Variants in CERS4 observed in about 807,000 individuals in gnomAD.
CERS4 encodes the protein LAG1 homolog, ceramide synthase 4.
In CERS4, 65 loss-of-function variants were observed where a neutral mutation model predicts 51.8. That is an observed-to-expected ratio of 1.26 (90% CI 1.03 to 1.54). The LOEUF (loss-of-function observed/expected upper bound fraction) is 1.54, where lower values mean the gene tolerates loss of function less well. Among genes scored for constraint, CERS4 ranks in the 40% most tolerant of loss-of-function variants. The pLI is 0.00. For synonymous variants in CERS4, 228 were observed against 208.4 expected (o/e 1.09, Z -0.81); for missense variants, 563 against 500.4 (o/e 1.13, Z -1.19).
chr19:8,226,413 C>T (rs963915398), intron 2 of CERS4, among the ~76,000 whole-genome samples: 1 of 152,066 alleles, frequency 6.6e-6, no homozygotes, highest in Non-Finnish European at 1.5e-5. Context: ...ACCTGCTTGG[C>T]CCTATATGAA....
intron 2 of CERS4, among the ~76,000 whole-genome samples, chr19:8,214,950 G>A (rs1249281673): frequency 1.4e-5 from 2 of 146,062 alleles, no homozygotes; most frequent in Admixed American, 6.9e-5. Flanking sequence ...AGGGGGAGGA[G>A]AGGGAGGAGG....
chr19:8,260,829 T>C (rs1299065857), intron 10 of CERS4, among the ~76,000 whole-genome samples: 1 of 151,520 alleles, frequency 6.6e-6, no homozygotes, highest in Non-Finnish European at 1.5e-5. Flanking sequence ...CAGGGGCCTA[T>C]AATCCCAGCT....
chr19:8,244,177 G>A (rs904897204), intron 2 of CERS4, among the ~76,000 whole-genome samples: 31 of 152,336 alleles, frequency 2.0e-4, no homozygotes, highest in African/African-American at 7.2e-4. Context: ...GGAGGGTGCA[G>A]GCAGCCTCTA....
chr19:8,221,299 AG>A (rs1967530222), intron 2 of CERS4, among the ~76,000 whole-genome samples: 1 of 152,084 alleles, frequency 6.6e-6, no homozygotes, highest in Non-Finnish European at 1.5e-5. Context: ...GCATGGTAAC[AG>A]ACACTTGGTA....
At chr19:8,244,693 A>C (rs1968679969) in intron 2 of CERS4, among the ~76,000 whole-genome samples, 1 of 152,082 alleles carries the variant, frequency 6.6e-6, no homozygotes, top group Admixed American at 6.5e-5. Flanking sequence ...CATTATTCAA[A>C]ATAGAACCAA....
chr19:8,255,679 C>T lies in CERS4; in HGVS notation c.364C>T (p.Arg122Trp), dbSNP rs201343534. The T allele has an allele frequency of 7.6e-5, 122 of 1,612,104 alleles. No homozygotes were observed. In the East Asian group the frequency reaches 1.5e-3, roughly 19 times the overall value. ...GACCCAGCGATGGTTCCGGAGACGC[C>T]GGAACCAGGATCGACCCCAGCTGAC... ...QQTQRWFRRR[R>W]NQDRPQLTKK... is the part of the protein sequence containing the mutation. Residue 122 changes from arginine to tryptophan, a missense_variant, in exon 5 of 12, where the codon CGG becomes TGG. Coordinates refer to ENST00000251363, the MANE Select transcript of CERS4 (RefSeq NM_024552.3).
At chr19:8,221,883 T>TTTG (rs1397821897) in intron 2 of CERS4, among the ~76,000 whole-genome samples, 34 of 99,326 alleles carry the variant, frequency 3.4e-4, no homozygotes, top group Non-Finnish European at 6.4e-4. Context: ...TTTTTTTTTT[T>TTTG]TTTTTTTTTT....
chr19:8,250,426 GC>G (rs1210060693), intron 2 of CERS4: 3 of 152,626 alleles, frequency 2.0e-5, no homozygotes, highest in Admixed American at 2.0e-4. Flanking sequence ...AGGTTGAGAA[GC>G]CTGGGTATTA....
Position 8,236,387 on chromosome 19 carries a change from G to T in CERS4, c.-1-14689G>T, listed in dbSNP as rs150836347. Among the ~76,000 whole-genome samples the T allele has an allele frequency of 3.3e-5, 5 of 152,142 alleles. No individual in the cohort carries two copies. In the East Asian group the frequency reaches 9.7e-4, roughly 29 times the overall value. ...AGGTGTTTCTTAAACTTTCCCAAGA[G>T]TTTGGGTCAAATTTCTGCTTATGGC... On this transcript the variant is annotated intron_variant, in intron 2 of 11. Transcript: ENST00000251363.
intron 2 of CERS4, among the ~76,000 whole-genome samples, chr19:8,245,900 G>GAA (rs1308641842): frequency 0.017 from 227 of 13,090 alleles, 2 homozygotes; most frequent in Non-Finnish European, 0.034. Context: ...AAGCTTTGAT[G>GAA]ACAAAAAAAA....
At chr19:8,238,530 C>T in intron 2 of CERS4, 1 of 985,356 alleles carries the variant, frequency 1.0e-6, no homozygotes, top group Middle Eastern at 5.2e-4. Context: ...TTGAATAGAA[C>T]TGCAGAAGAG....
At chr19:8,224,406 CAAA>C (rs34399032) in intron 2 of CERS4, among the ~76,000 whole-genome samples, 18 of 104,460 alleles carry the variant, frequency 1.7e-4, no homozygotes, top group Admixed American at 4.0e-4. Context: ...GACTCCATCG[CAAA>C]AAAAAAAAAA....
intron 2 of CERS4, among the ~76,000 whole-genome samples, chr19:8,234,552 T>C (rs1354046195): frequency 1.4e-5 from 2 of 138,242 alleles, no homozygotes; most frequent in East Asian, 4.2e-4. Context: ...ATTTTTTTTT[T>C]TTTTTTTTTT....
chr19:8,245,134 A>AAC (rs1968723212), intron 2 of CERS4, among the ~76,000 whole-genome samples: 1 of 148,432 alleles, frequency 6.7e-6, no homozygotes, highest in Non-Finnish European at 1.5e-5. Context: ...AAAAAAAAAA[A>AAC]ACACTCTTGG....
chr19:8,232,613 A>C (rs556714213), intron 2 of CERS4, among the ~76,000 whole-genome samples: 7 of 152,266 alleles, frequency 4.6e-5, no homozygotes, highest in Admixed American at 1.3e-4. Flanking sequence ...ACAATGATGG[A>C]AATGTTCCAT....
intron 2 of CERS4, among the ~76,000 whole-genome samples, chr19:8,232,694 C>T (rs1297439653): frequency 2.6e-5 from 4 of 151,088 alleles, no homozygotes; most frequent in African/African-American, 4.9e-5. Context: ...GTTAGTGCAA[C>T]ATATTTATTA....
At chr19:8,224,279 C>T (rs191308395) in intron 2 of CERS4, among the ~76,000 whole-genome samples, 13 of 145,678 alleles carry the variant, frequency 8.9e-5, no homozygotes, top group Non-Finnish European at 1.7e-4. Context: ...TGGTGGCACG[C>T]GCTTGTAATC....
chr19:8,258,607 G>T (rs1969518596), intron 10 of CERS4, among the ~76,000 whole-genome samples: 1 of 152,112 alleles, frequency 6.6e-6, no homozygotes, highest in Non-Finnish European at 1.5e-5. Flanking sequence ...CACTTTGTGA[G>T]GCTGAGGCAG....
At chr19:8,256,415 T>A in intron 7 of CERS4, 129 bp downstream of exon 7, 1 of 1,137,896 alleles carries the variant, frequency 8.8e-7, no homozygotes, top group Non-Finnish European at 1.2e-6. Flanking sequence ...GCTCTTTGAT[T>A]CCTCTGGGGA....
Sources: gnomAD v4.1 joint callset for allele counts (sites outside exome capture counted in the v4.1 genomes callset) on GRCh38, gnomAD v4.1.1 for gene constraint, MANE v1.5 for transcripts, NCBI Gene and HGNC (gene_info 2026-07-23, HGNC 2026-07-21) for gene names.